The following TXLNB variants were observed in gnomAD, a reference collection of about 807,000 sequenced individuals.
The protein encoded by TXLNB is taxilin beta.
A neutral mutation model predicts 57.4 loss-of-function variants in TXLNB; 37 were observed. That is an observed-to-expected ratio of 0.64 (90% CI 0.50 to 0.85). The LOEUF is 0.85. TXLNB is among the 40% of genes least tolerant of loss of function. TXLNB has a pLI of 0.00. For missense variants in TXLNB, 848 were observed against 825.6 expected (o/e 1.03, Z -0.33); for synonymous variants, 302 against 309.6 (o/e 0.98, Z 0.26).
At chr6:139,168,420 G>T in the TXLNB span, among the ~76,000 whole-genome samples, 1 of 146,116 alleles carries the variant, frequency 6.8e-6, no homozygotes. Flanking sequence ...ATTTTGATTT[G>T]CATAGTTTTT....
At chr6:139,218,565 CA>C in the TXLNB span, among the ~76,000 whole-genome samples, 2 of 152,028 alleles carry the variant, frequency 1.3e-5, no homozygotes, top group Non-Finnish European at 2.9e-5. Context: ...CCAGCCTGAC[CA>C]ACAAGGTGAA....
At chr6:139,227,357 C>CAA in the TXLNB span, among the ~76,000 whole-genome samples, 4 of 131,666 alleles carry the variant, frequency 3.0e-5, no homozygotes, top group Admixed American at 7.5e-5. Context: ...ACAAAACAAA[C>CAA]AAAAAAAAAA....
intron 9 of TXLNB, 75 bp downstream of exon 9, chr6:139,244,520 G>T: frequency 2.9e-6 from 3 of 1,023,202 alleles, no homozygotes; most frequent in South Asian, 2.6e-5. Context: ...ACTATTACCA[G>T]GTTATAATTG....
At chr6:139,236,443 C>T (rs765102876), downstream of TXLNB, among the ~76,000 whole-genome samples, 1 of 152,150 alleles carries the variant, frequency 6.6e-6, no homozygotes, top group Non-Finnish European at 1.5e-5. Flanking sequence ...GATAAGGGAA[C>T]TTTTCCCATT....
At chr6:139,253,571 G>C (rs192299919) in intron 7 of TXLNB, among the ~76,000 whole-genome samples, 48 of 152,234 alleles carry the variant, frequency 3.2e-4, no homozygotes, top group Non-Finnish European at 7.4e-5. Context: ...CTCGGTAAAA[G>C]AGCCAGGACT....
the TXLNB span, among the ~76,000 whole-genome samples, chr6:139,190,168 A>G: frequency 5.4e-3 from 830 of 152,334 alleles, 8 homozygotes; most frequent in South Asian, 0.046. Flanking sequence ...TAGTCTGTTC[A>G]GGCTGCTATA....
the TXLNB span, among the ~76,000 whole-genome samples, chr6:139,323,403 C>T: frequency 6.6e-6 from 1 of 151,986 alleles, no homozygotes; most frequent in Non-Finnish European, 1.5e-5. Flanking sequence ...CTGCCTCAGC[C>T]TCCCGAGTAA....
chr6:139,252,919 G>T (rs1776245521), intron 7 of TXLNB, among the ~76,000 whole-genome samples: 1 of 152,198 alleles, frequency 6.6e-6, no homozygotes, highest in Non-Finnish European at 1.5e-5. Context: ...TGAACCCCGG[G>T]AGGTGGAGCT....
chr6:139,277,129 T>C (rs1776919180), intron 2 of TXLNB: 2 of 495,304 alleles, frequency 4.0e-6, no homozygotes, highest in Middle Eastern at 5.0e-4. Flanking sequence ...TGTGGTACGG[T>C]GTGAGGTTCA....
the TXLNB span, chr6:139,166,377 A>G: frequency 6.2e-7 from 1 of 1,614,220 alleles, no homozygotes; most frequent in Non-Finnish European, 8.5e-7. Context: ...AACAACGAGC[A>G]CTGCCCCTGC....
the TXLNB span, among the ~76,000 whole-genome samples, chr6:139,304,981 C>T: frequency 6.6e-6 from 1 of 152,146 alleles, no homozygotes; most frequent in Non-Finnish European, 1.5e-5. Context: ...AGGTAAATAA[C>T]TGTCTCGTTT....
At chr6:139,252,164 T>A (rs1245375167) in intron 7 of TXLNB, among the ~76,000 whole-genome samples, 1 of 152,250 alleles carries the variant, frequency 6.6e-6, no homozygotes, top group Non-Finnish European at 1.5e-5. Context: ...GGCCAGCAGT[T>A]GTCTTATGAC....
the TXLNB span, among the ~76,000 whole-genome samples, chr6:139,233,019 T>C: frequency 1.3e-5 from 2 of 152,160 alleles, no homozygotes; most frequent in African/African-American, 4.8e-5. Context: ...ATTTACATAG[T>C]CATGTTTATT....
the TXLNB span, among the ~76,000 whole-genome samples, chr6:139,299,642 C>T: frequency 1.3e-5 from 2 of 152,010 alleles, no homozygotes; most frequent in Non-Finnish European, 2.9e-5. Context: ...TGGGGAGATG[C>T]CTGGCTGAGA....
intron 2 of TXLNB, among the ~76,000 whole-genome samples, chr6:139,286,668 G>A (rs1777183537): frequency 1.3e-5 from 2 of 152,164 alleles, no homozygotes; most frequent in African/African-American, 4.8e-5. Context: ...ATTTGCAGCT[G>A]CTCCCCATCA....
chr6:139,165,079 A>T, the TXLNB span, among the ~76,000 whole-genome samples: 1 of 152,194 alleles, frequency 6.6e-6, no homozygotes. Flanking sequence ...ACTCTTTATA[A>T]GCATTTCTTA....
At chr6:139,265,281 C>G (rs1583009581) in intron 4 of TXLNB, among the ~76,000 whole-genome samples, 1 of 152,196 alleles carries the variant, frequency 6.6e-6, no homozygotes, top group African/African-American at 2.4e-5. Flanking sequence ...GAGACACTTA[C>G]CCCTCTCTTA....
chr6:139,283,806 G>A (rs1777111522), intron 2 of TXLNB, among the ~76,000 whole-genome samples: 2 of 145,602 alleles, frequency 1.4e-5, no homozygotes, highest in Non-Finnish European at 3.1e-5. Flanking sequence ...CATCTCAAAT[G>A]TGCCAATAAA....
the TXLNB span, among the ~76,000 whole-genome samples, chr6:139,303,039 A>G: frequency 6.6e-6 from 1 of 152,220 alleles, no homozygotes; most frequent in Non-Finnish European, 1.5e-5. Context: ...AGTGGTTTTC[A>G]AAAGTTTTGA....
Sources: gnomAD v4.1 joint callset for allele counts (sites outside exome capture counted in the v4.1 genomes callset) on GRCh38, gnomAD v4.1.1 for gene constraint, MANE v1.5 for transcripts, NCBI Gene and HGNC (gene_info 2026-07-23, HGNC 2026-07-21) for gene names.